The following FAAH2 variants were observed in gnomAD, a reference collection of about 807,000 sequenced individuals.
FAAH2 encodes fatty acid amide hydrolase 2.
In FAAH2, 60 loss-of-function variants were observed where a neutral mutation model predicts 36.9. That is an observed-to-expected ratio of 1.63 (90% CI 1.32 to 2.02). FAAH2 has a LOEUF of 2.02. Among genes scored for constraint, FAAH2 ranks in the 30% most tolerant of loss-of-function variants. FAAH2 has a pLI of 0.00. For missense variants in FAAH2, 689 were observed against 397.5 expected, an observed-to-expected ratio of 1.73 and a Z score of -6.23; for synonymous variants, 214 against 143.8, an observed-to-expected ratio of 1.49 and a Z score of -3.49.
At chrX:57,163,772 A>C in the FAAH2 span, among the ~76,000 whole-genome samples, 1 of 112,063 alleles carries the variant, frequency 8.9e-6, no homozygotes, top group East Asian at 2.8e-4. Flanking sequence ...GGCACTACCT[A>C]GTGAGATGAA....
chrX:57,283,289 G>GA (rs1223464095), upstream of FAAH2, among the ~76,000 whole-genome samples: 3 of 110,939 alleles, frequency 2.7e-5, no homozygotes, highest in African/African-American at 9.8e-5. Flanking sequence ...CTCCATCTCA[G>GA]AAAAAAACAC....
At chrX:57,330,206 A>G (rs747129934) in intron 3 of FAAH2, among the ~76,000 whole-genome samples, 1 of 111,766 alleles carries the variant, frequency 8.9e-6, no homozygotes, top group South Asian at 3.8e-4. Context: ...TCAAAAGCAA[A>G]TGGGAGAAAT....
the FAAH2 span, among the ~76,000 whole-genome samples, chrX:57,278,397 C>G: frequency 9.0e-6 from 1 of 111,248 alleles, no homozygotes; most frequent in Admixed American, 9.6e-5. Flanking sequence ...GAAACTGGAT[C>G]CCTTCCTTAC....
At chrX:57,441,667 C>T (rs1184372017) in intron 8 of FAAH2, among the ~76,000 whole-genome samples, 1 of 109,867 alleles carries the variant, frequency 9.1e-6, no homozygotes, top group Non-Finnish European at 1.9e-5. Context: ...AATGTGTTGG[C>T]TCTTGCTTCT....
In FAAH2 at chrX:57,331,766, AC is replaced by A. The variant is rs772664723; in HGVS notation, c.582del (p.Asn194LysfsTer10). On this transcript the variant is annotated frameshift_variant, in exon 4 of 11. Coordinates refer to ENST00000374900, the MANE Select transcript of FAAH2 (RefSeq NM_174912.4). LOFTEE classifies it high-confidence loss of function. ...AGTAACAAGATCTATGGCCGATCAA[AC>A]AACCCATATGATTTACAGCATATTG... ...ESSNKIYGRS[N>X]NPYDLQHIVG... 32 of 1,209,942 alleles carry A rather than the reference AC, an allele frequency of 2.6e-5. No homozygotes were observed. The Admixed American group carries it at 6.8e-4, about 26-fold the overall frequency.
At chrX:57,214,732 A>G in the FAAH2 span, among the ~76,000 whole-genome samples, 1 of 111,745 alleles carries the variant, frequency 8.9e-6, no homozygotes, top group East Asian at 2.8e-4. Context: ...TATCCCTATT[A>G]TGACTTTACA....
chrX:57,209,776 T>G, the FAAH2 span, among the ~76,000 whole-genome samples: 6 of 111,262 alleles, frequency 5.4e-5, no homozygotes, highest in African/African-American at 2.0e-4. Context: ...GCAGTCCTTG[T>G]GGCCTAGACT....
intron 2 of FAAH2, among the ~76,000 whole-genome samples, chrX:57,301,633 T>C (rs868299930): frequency 2.0e-5 from 2 of 101,523 alleles, no homozygotes; most frequent in Non-Finnish European, 2.0e-5. Context: ...ATAATAATAA[T>C]AATAATAATA....
At chrX:57,178,458 G>T in the FAAH2 span, among the ~76,000 whole-genome samples, 6 of 111,444 alleles carry the variant, frequency 5.4e-5, no homozygotes, top group Admixed American at 2.9e-4. Context: ...CTTGTTCTAT[G>T]TTACCCAGAA....
the FAAH2 span, among the ~76,000 whole-genome samples, chrX:57,249,831 C>G: frequency 8.9e-6 from 1 of 111,877 alleles, no homozygotes; most frequent in Non-Finnish European, 1.9e-5. Flanking sequence ...TGAAGGAAGG[C>G]CACAGATTGG....
the FAAH2 span, among the ~76,000 whole-genome samples, chrX:57,182,967 C>T: frequency 9.0e-6 from 1 of 110,788 alleles, no homozygotes; most frequent in Admixed American, 9.7e-5. Flanking sequence ...TGCATGTTCC[C>T]ATTTGTAAGT....
At chrX:57,445,869 G>T (rs755906476) in intron 8 of FAAH2, among the ~76,000 whole-genome samples, 1 of 112,200 alleles carries the variant, frequency 8.9e-6, no homozygotes, top group East Asian at 2.8e-4. Context: ...GCCTCTGAGA[G>T]AACAGTGCAG....
At chrX:57,236,948 T>C in the FAAH2 span, among the ~76,000 whole-genome samples, 1 of 111,764 alleles carries the variant, frequency 8.9e-6, no homozygotes, top group Non-Finnish European at 1.9e-5. Flanking sequence ...TGTTATGAAC[T>C]GTTTTCCTTG....
chrX:57,354,450 C>G (rs2054111073), intron 5 of FAAH2, among the ~76,000 whole-genome samples: 1 of 110,368 alleles, frequency 9.1e-6, no homozygotes, highest in Non-Finnish European at 1.9e-5. Context: ...GAGAGTGGAA[C>G]ACGATTAGAA....
At chrX:57,441,926 A>G (rs1031031169) in intron 8 of FAAH2, among the ~76,000 whole-genome samples, 2 of 111,580 alleles carry the variant, frequency 1.8e-5, no homozygotes, top group African/African-American at 6.5e-5. Context: ...GTTTTGAGTG[A>G]GTTACTTAAT....
intron 8 of FAAH2, among the ~76,000 whole-genome samples, chrX:57,438,465 TG>T (rs774510024): frequency 1.5e-3 from 160 of 109,597 alleles, no homozygotes; most frequent in Non-Finnish European, 2.6e-3. Context: ...AAACATCCCA[TG>T]CTATTGGATT....
intron 5 of FAAH2, among the ~76,000 whole-genome samples, chrX:57,369,356 T>A (rs943070705): frequency 9.0e-6 from 1 of 111,107 alleles, no homozygotes; most frequent in Non-Finnish European, 1.9e-5. Context: ...GGAAGAGATG[T>A]GGATATCCAG....
At chrX:57,179,931 A>C in the FAAH2 span, among the ~76,000 whole-genome samples, 1 of 112,517 alleles carries the variant, frequency 8.9e-6, no homozygotes, top group Non-Finnish European at 1.9e-5. Flanking sequence ...AGATAACAGC[A>C]CAATAAAAAT....
At chrX:57,314,723 A>T (rs934649943) in intron 3 of FAAH2, among the ~76,000 whole-genome samples, 26 of 111,142 alleles carry the variant, frequency 2.3e-4, no homozygotes, top group Non-Finnish European at 4.9e-4. Context: ...AAACAAAAAA[A>T]ATCTCTAAAA....
Sources: allele counts gnomAD v4.1 joint callset (sites outside exome capture counted in the v4.1 genomes callset), GRCh38; gene constraint gnomAD v4.1.1; transcripts MANE v1.5; gene names NCBI Gene and HGNC (gene_info 2026-07-23, HGNC 2026-07-21).